The following CASK variants were observed in gnomAD, a reference collection of about 807,000 sequenced individuals.
CASK encodes calcium/calmodulin dependent serine protein kinase.
In CASK, 4 loss-of-function variants were observed where a neutral mutation model predicts 82.9. The ratio of observed to expected loss-of-function variants is 0.05; its 90% CI spans 0.02 to 0.11. The LOEUF (loss-of-function observed/expected upper bound fraction) is 0.11. CASK is among the 10% of genes least tolerant of loss of function. The pLI is 1.00. For missense variants in CASK, 358 were observed against 720.9 expected, an observed-to-expected ratio of 0.50 and a Z score of 5.76; for synonymous variants, 259 against 253.5, an observed-to-expected ratio of 1.02 and a Z score of -0.20.
intron 18 of CASK, chrX:41,558,840 T>G (rs1017337371): frequency 6.3e-5 from 7 of 111,673 alleles, no homozygotes; most frequent in African/African-American, 2.3e-4. Flanking sequence ...CTTATGAAAT[T>G]TACACCATCA....
intron 24 of CASK, among the ~76,000 whole-genome samples, chrX:41,534,279 C>T (rs1015871273): frequency 2.7e-5 from 3 of 111,052 alleles, no homozygotes; most frequent in African/African-American, 9.8e-5. Flanking sequence ...ATATCAGAAA[C>T]TGTACAACTA....
intron 6 of CASK, among the ~76,000 whole-genome samples, chrX:41,667,945 C>T (rs985372532): frequency 2.7e-5 from 3 of 111,637 alleles, no homozygotes; most frequent in Admixed American, 1.9e-4. Context: ...GTTTTGGTGT[C>T]TGCTCAGTAT....
chrX:41,524,086 T>C (rs756771562), intron 25 of CASK, 52 bp from the exon 26 acceptor site: 1 of 893,381 alleles, frequency 1.1e-6, no homozygotes, highest in Admixed American at 2.8e-5. Context: ...AAATAACTAA[T>C]GTAACTTTCA....
chrX:41,727,529 T>C (rs767210947), intron 5 of CASK: 2 of 1,209,977 alleles, frequency 1.7e-6, no homozygotes, highest in Non-Finnish European at 2.2e-6. Flanking sequence ...GGCATAATCA[T>C]TCCAGTTACC....
In CASK at chrX:41,517,121, G is replaced by A. The variant is rs1362156981; in HGVS notation, c.*3299C>T. 2.6e-5 allele frequency: 3 copies of A among 113,243 alleles called. No individual in the cohort carries two copies. Among genetic ancestry groups the A allele is most frequent in the Non-Finnish European group, 5.6e-5 (3 of 53,711 alleles). 9.3% of individuals were successfully genotyped at this position (113,243 alleles called of 1,213,427 possible). On this transcript the variant is annotated 3_prime_UTR_variant, in exon 27 of 27. Transcript: ENST00000378163. Reference sequence around the variant, plus strand: ...AGCCCAGGCCTGCCTGGAGCACAGGGGAAGGCTTGGCCCACTGGCTGTCTC... The same window carrying A: ...AGCCCAGGCCTGCCTGGAGCACAGGAGAAGGCTTGGCCCACTGGCTGTCTC...
At chrX:41,714,488 C>T (rs145731846) in intron 5 of CASK, among the ~76,000 whole-genome samples, 1 of 111,874 alleles carries the variant, frequency 8.9e-6, no homozygotes, top group African/African-American at 3.3e-5. Context: ...TTGTAAAACA[C>T]CCTTGTAGCA....
At chrX:41,728,778 AT>A (rs1322033803) in intron 5 of CASK, 2 of 125,109 alleles carry the variant, frequency 1.6e-5, no homozygotes. Context: ...AAGTAAAAAA[AT>A]AAATAAGAAA....
intron 4 of CASK, among the ~76,000 whole-genome samples, chrX:41,742,772 T>C (rs144630721): frequency 8.9e-6 from 1 of 111,980 alleles, no homozygotes; most frequent in African/African-American, 3.2e-5. Context: ...CCTTGTTGCA[T>C]GGTCATTGAT....
intron 3 of CASK, chrX:41,786,865 C>T: frequency 7.9e-6 from 2 of 251,631 alleles, no homozygotes; most frequent in Admixed American, 6.0e-5. Context: ...TCATCCTACT[C>T]TTCTTCACTA....
chrX:41,774,635 T>C (rs2069314039), intron 3 of CASK, among the ~76,000 whole-genome samples: 1 of 111,147 alleles, frequency 9.0e-6, no homozygotes, highest in Non-Finnish European at 1.9e-5. Flanking sequence ...CTTCAAACTA[T>C]ACTACAAGGC....
intron 2 of CASK, among the ~76,000 whole-genome samples, chrX:41,842,209 AT>A (rs2147948998): frequency 9.0e-6 from 1 of 111,659 alleles, no homozygotes; most frequent in African/African-American, 3.2e-5. Flanking sequence ...TGGATTGTTA[AT>A]TCAATTTCAT....
At chrX:41,719,965 A>G (rs1358892031) in intron 5 of CASK, among the ~76,000 whole-genome samples, 1 of 112,818 alleles carries the variant, frequency 8.9e-6, no homozygotes, top group African/African-American at 3.2e-5. Context: ...CGGCTAGCAG[A>G]TATTTAAGAA....
At chrX:41,628,629 C>T (rs2066418091) in intron 9 of CASK, among the ~76,000 whole-genome samples, 1 of 111,560 alleles carries the variant, frequency 9.0e-6, no homozygotes, top group Non-Finnish European at 1.9e-5. Context: ...AAATATATTT[C>T]CACAAAGTTT....
At chrX:41,840,400 C>A (rs1288861310) in intron 2 of CASK, among the ~76,000 whole-genome samples, 2 of 111,942 alleles carry the variant, frequency 1.8e-5, no homozygotes, top group African/African-American at 3.2e-5. Flanking sequence ...TGTAAGAAAG[C>A]GATAGACTTT....
At chrX:41,641,470 G>GAGCTCCC (rs1421130840) in intron 8 of CASK, among the ~76,000 whole-genome samples, 1 of 111,516 alleles carries the variant, frequency 9.0e-6, no homozygotes, top group Non-Finnish European at 1.9e-5. Context: ...GGTGTGAGAA[G>GAGCTCCC]AGCTCAACCA....
chrX:41,792,811 G>T (rs145645118), intron 2 of CASK, among the ~76,000 whole-genome samples: 3,208 of 111,062 alleles, frequency 0.029, 60 homozygotes, highest in Non-Finnish European at 0.045. Context: ...TTATCTCTGA[G>T]ATCTAGCATG....
At chrX:41,874,855 G>A (rs962548105) in intron 1 of CASK, among the ~76,000 whole-genome samples, 4 of 112,471 alleles carry the variant, frequency 3.6e-5, no homozygotes, top group Non-Finnish European at 1.9e-5. Context: ...CAGTTGTAGT[G>A]ATCAGTCCAG....
At chrX:41,730,129 A>G (rs1273407640) in intron 5 of CASK, 1 of 122,395 alleles carries the variant, frequency 8.2e-6, no homozygotes, top group Admixed American at 9.7e-5. Context: ...CATTAATAGT[A>G]ACTTGCCACT....
chrX:41,705,713 C>T (rs1472571945), intron 5 of CASK, among the ~76,000 whole-genome samples: 7 of 111,793 alleles, frequency 6.3e-5, no homozygotes, highest in East Asian at 2.8e-4. Context: ...CCAGTAATCA[C>T]GTAAATGTGG....
Sources: gnomAD v4.1 joint callset for allele counts (sites outside exome capture counted in the v4.1 genomes callset) on GRCh38, gnomAD v4.1.1 for gene constraint, MANE v1.5 for transcripts, NCBI Gene and HGNC (gene_info 2026-07-23, HGNC 2026-07-21) for gene names.